The following FRA10AC1 variants were observed in gnomAD, a reference collection of about 807,000 sequenced individuals.
The protein encoded by FRA10AC1 is protein FRA10AC1.
Under a neutral mutation model 56.5 loss-of-function variants are expected in FRA10AC1, and 43 were observed. The ratio of observed to expected loss-of-function variants is 0.76; its 90% CI spans 0.60 to 0.98. FRA10AC1 has a LOEUF of 0.98. FRA10AC1 is among the 50% of genes least tolerant of loss of function. FRA10AC1 has a pLI of 0.00. For missense variants in FRA10AC1, 346 were observed against 351.8 expected, an observed-to-expected ratio of 0.98 and a Z score of 0.13; for synonymous variants, 112 against 110.5, an observed-to-expected ratio of 1.01 and a Z score of -0.09.
intron 1 of FRA10AC1, among the ~76,000 whole-genome samples, chr10:93,700,952 T>TC (rs1283106309): frequency 6.6e-6 from 1 of 151,918 alleles, no homozygotes; most frequent in Non-Finnish European, 1.5e-5. Flanking sequence ...CCTCAGCCTC[T>TC]CCAAGTAGCT....
intron 13 of FRA10AC1, 99 bp from the exon 14 acceptor site, chr10:93,669,967 CATATTGGCTGATTCTGCTATATATCAAT>C (rs2058735981): frequency 3.2e-6 from 2 of 627,730 alleles, no homozygotes; most frequent in African/African-American, 1.9e-5. Flanking sequence ...TTTAAGTCAA[CATATTGGCTGATTCTGCTATATATCAAT>C]ATATTGCCAT....
chr10:93,678,158 G>T (rs895904930), intron 11 of FRA10AC1, among the ~76,000 whole-genome samples: 4 of 152,192 alleles, frequency 2.6e-5, no homozygotes, highest in African/African-American at 9.7e-5. Context: ...GTCAGGAAGG[G>T]CCTTTCCAAG....
Position 93,702,588 on chromosome 10 carries a change from CT to C in FRA10AC1, c.-215del. 1 of 225,080 alleles carries C rather than the reference CT, an allele frequency of 4.4e-6. No individual in the cohort carries two copies. Among genetic ancestry groups the C allele is most frequent in the Non-Finnish European group, 8.7e-6 (1 of 114,376 alleles). The allele number at this position is 225,080 out of a possible 1,614,324, so 13.9% of individuals were successfully genotyped here. A position where few individuals can be genotyped will look rare whatever the true frequency, so the allele number is the denominator to read the frequency against. ...CCCTACGGGTCCCGACTGGGCACCACTTCCGGTCCGACACGGCCACGTGTTA... is the reference window on the plus strand; with the variant it reads ...CCCTACGGGTCCCGACTGGGCACCACTCCGGTCCGACACGGCCACGTGTTA... On this transcript the variant is annotated 5_prime_UTR_variant, in exon 1 of 14. Coordinates refer to ENST00000359204, the MANE Select transcript of FRA10AC1 (RefSeq NM_145246.5).
intron 7 of FRA10AC1, among the ~76,000 whole-genome samples, chr10:93,690,308 A>C (rs2059104704): frequency 6.6e-6 from 1 of 152,156 alleles, no homozygotes; most frequent in African/African-American, 2.4e-5. Context: ...TGCGAGTCAT[A>C]TCGGATTTCT....
chr10:93,689,651 A>G (rs1332234649), intron 7 of FRA10AC1, among the ~76,000 whole-genome samples: 1 of 152,202 alleles, frequency 6.6e-6, no homozygotes, highest in Non-Finnish European at 1.5e-5. Flanking sequence ...TGTCACCAAG[A>G]TTATAATCTT....
intron 7 of FRA10AC1, 30 bp downstream of exon 7, chr10:93,691,979 C>T: frequency 6.4e-7 from 1 of 1,552,494 alleles, no homozygotes; most frequent in Non-Finnish European, 8.7e-7. Flanking sequence ...TGAATAAGAA[C>T]CTCTTTCCAT....
intron 9 of FRA10AC1, among the ~76,000 whole-genome samples, 170 bp downstream of exon 9, chr10:93,685,076 T>A (rs2059001230): frequency 6.6e-6 from 1 of 152,092 alleles, no homozygotes; most frequent in East Asian, 1.9e-4. Flanking sequence ...ATGCTAAAAA[T>A]GTAAAAAACT....
At chr10:93,695,077 C>A in intron 4 of FRA10AC1, 140 bp from the exon 5 acceptor site, 1 of 551,048 alleles carries the variant, frequency 1.8e-6, no homozygotes, top group Non-Finnish European at 3.2e-6. Context: ...CATGCTTACA[C>A]ATTCAGAAAA....
intron 10 of FRA10AC1, among the ~76,000 whole-genome samples, chr10:93,682,905 A>T (rs2058960679): frequency 6.6e-6 from 1 of 152,200 alleles, no homozygotes; most frequent in South Asian, 2.1e-4. Context: ...AATACTATAT[A>T]GGCACATTTA....
chr10:93,693,495 TATATATATATATAC>T (rs1564820039), intron 5 of FRA10AC1, among the ~76,000 whole-genome samples: 1 of 66,212 alleles, frequency 1.5e-5, no homozygotes, highest in Non-Finnish European at 3.5e-5. Flanking sequence ...TATATATATA[TATATATATATATAC>T]ACCATATATA....
chr10:93,684,008 ATATCC>A, intron 10 of FRA10AC1, 43 bp downstream of exon 10: 1 of 1,234,292 alleles, frequency 8.1e-7, no homozygotes. Flanking sequence ...GTAAATGACT[ATATCC>A]TGGATTACTA....
rs1429487778 is a variant in FRA10AC1, at chr10:93,668,993, A to G, written c.*833T>C. ...CTCTGCCGGGGAGGCAATTTTTGTG[A>G]ACACATGAACTGTTTTAGACTACTG... On this transcript the variant is annotated 3_prime_UTR_variant, in exon 14 of 14. Coordinates refer to ENST00000359204, the MANE Select transcript of FRA10AC1 (RefSeq NM_145246.5). The G allele has an allele frequency of 1.3e-5, 2 of 152,150 alleles. No homozygotes were observed. Among genetic ancestry groups the G allele is most frequent in the African/African-American group, 2.4e-5 (1 of 41,426 alleles). The allele number at this position is 152,150 out of a possible 1,614,324, so 9.4% of individuals were successfully genotyped here.
intron 5 of FRA10AC1, among the ~76,000 whole-genome samples, chr10:93,693,224 G>GA (rs200536077): frequency 2.4e-4 from 35 of 144,070 alleles, no homozygotes; most frequent in East Asian, 1.8e-3. Flanking sequence ...AAAAAAAAAG[G>GA]AAAAAAAAAA....
At chr10:93,691,020 G>C (rs1486265768) in intron 7 of FRA10AC1, among the ~76,000 whole-genome samples, 1 of 152,074 alleles carries the variant, frequency 6.6e-6, no homozygotes, top group African/African-American at 2.4e-5. Context: ...CTTCATGATA[G>C]ATAAATACAA....
intron 12 of FRA10AC1, chr10:93,672,078 ATGAT>A (rs1277575011): frequency 2.4e-5 from 11 of 451,110 alleles, no homozygotes; most frequent in Middle Eastern, 6.5e-4. Context: ...CTCTCCAATA[ATGAT>A]TATTAGTCTA....
intron 8 of FRA10AC1, 157 bp from the exon 9 acceptor site, chr10:93,685,516 C>A: frequency 8.6e-6 from 4 of 462,606 alleles, no homozygotes; most frequent in Non-Finnish European, 1.5e-5. Flanking sequence ...AACTTGTATA[C>A]AAGTATCAAA....
chr10:93,684,268 C>T (rs2058986658), intron 9 of FRA10AC1, among the ~76,000 whole-genome samples, 170 bp from the exon 10 acceptor site: 1 of 152,052 alleles, frequency 6.6e-6, no homozygotes, highest in East Asian at 1.9e-4. Flanking sequence ...CAAATATATA[C>T]ACACATACAT....
intron 1 of FRA10AC1, among the ~76,000 whole-genome samples, chr10:93,700,896 T>A (rs11596307): frequency 0.41 from 61,752 of 152,044 alleles, 14,677 homozygotes; most frequent in Non-Finnish European, 0.52. Flanking sequence ...CTGTGGCGCC[T>A]TGATGGCTCA....
intron 11 of FRA10AC1, among the ~76,000 whole-genome samples, chr10:93,677,190 TGAGAGAAAGAGA>T (rs2058855918): frequency 6.6e-6 from 1 of 151,598 alleles, no homozygotes; most frequent in African/African-American, 2.4e-5. Flanking sequence ...GGTCATCCAG[TGAGAGAAAGAGA>T]GAGAGAAAGG....
Sources: gnomAD v4.1 joint callset for allele counts (sites outside exome capture counted in the v4.1 genomes callset) on GRCh38, gnomAD v4.1.1 for gene constraint, MANE v1.5 for transcripts, NCBI Gene and HGNC (gene_info 2026-07-23, HGNC 2026-07-21) for gene names.